GPHN: variants seen among roughly 807,000 people sequenced by gnomAD.
The protein encoded by GPHN is gephyrin.
A neutral mutation model predicts 95.5 loss-of-function variants in GPHN; 17 were observed. The observed-to-expected ratio is 0.18, with a 90% confidence interval of 0.12 to 0.27. GPHN has a LOEUF of 0.27. GPHN is among the 10% of genes least tolerant of loss of function. The pLI is 1.00. For missense variants in GPHN, 660 were observed against 978.1 expected, an observed-to-expected ratio of 0.67 and a Z score of 4.34; for synonymous variants, 320 against 322.5, an observed-to-expected ratio of 0.99 and a Z score of 0.08.
chr14:67,729,444 GCTGTTCA>G, the GPHN span: 2 of 1,514,300 alleles, frequency 1.3e-6, no homozygotes, highest in Non-Finnish European at 1.8e-6. Context: ...GACTCGCTGG[GCTGTTCA>G]TCCTGAGAAG....
intron 4 of GPHN, among the ~76,000 whole-genome samples, chr14:66,868,354 T>G (rs77037144): frequency 6.6e-6 from 1 of 152,166 alleles, no homozygotes; most frequent in Non-Finnish European, 1.5e-5. Flanking sequence ...TCACTATGCA[T>G]GTAAAGTATT....
At chr14:67,089,844 T>C (rs1267199170) in intron 12 of GPHN, among the ~76,000 whole-genome samples, 2 of 152,156 alleles carry the variant, frequency 1.3e-5, no homozygotes, top group Non-Finnish European at 2.9e-5. Flanking sequence ...TAAATAGCAT[T>C]TTTCTGCCTA....
intron 1 of GPHN, among the ~76,000 whole-genome samples, chr14:66,556,232 C>A (rs932909222): frequency 6.6e-6 from 1 of 152,020 alleles, no homozygotes; most frequent in Non-Finnish European, 1.5e-5. Context: ...GAATATTATT[C>A]AACTAGATTG....
the GPHN span, among the ~76,000 whole-genome samples, chr14:67,245,857 T>C: frequency 6.7e-6 from 1 of 149,626 alleles, no homozygotes; most frequent in Non-Finnish European, 1.5e-5. Flanking sequence ...CAGAGAGATT[T>C]TTCTCCAATT....
the GPHN span, among the ~76,000 whole-genome samples, chr14:67,560,720 C>T: frequency 7.0e-6 from 1 of 143,712 alleles, no homozygotes; most frequent in Non-Finnish European, 1.5e-5. Flanking sequence ...AAAGGATGAA[C>T]ATATATCTTT....
the GPHN span, among the ~76,000 whole-genome samples, chr14:67,544,369 G>A: frequency 6.6e-6 from 1 of 152,102 alleles, no homozygotes; most frequent in African/African-American, 2.4e-5. Flanking sequence ...TGGGGAGCCT[G>A]GTAGGGACAG....
rs755908672 is a variant in GPHN, at chr14:67,110,271, C to A, written c.1413+12C>A. 40 of 1,612,984 alleles carry A rather than the reference C, an allele frequency of 2.5e-5. No homozygotes were observed. Among genetic ancestry groups the A allele is most frequent in the Non-Finnish European group, 3.1e-5 (36 of 1,179,150 alleles). On this transcript the variant is annotated intron_variant, in intron 14 of 22. Transcript: ENST00000478722. ...GGGAATCAGATGATGTACGTCATCA[C>A]CAAGTCTTACTGTGCTGTTGTTCCT...
intron 1 of GPHN, among the ~76,000 whole-genome samples, chr14:66,625,658 G>C (rs2063499943): frequency 6.6e-6 from 1 of 152,052 alleles, no homozygotes; most frequent in Admixed American, 6.5e-5. Context: ...ATAATACCCT[G>C]TTCTTATGTC....
chr14:67,168,864 T>G (rs1382922421), intron 20 of GPHN, 69 bp from the exon 21 acceptor site: 2 of 995,600 alleles, frequency 2.0e-6, no homozygotes, highest in African/African-American at 3.2e-5. Context: ...CCCAAAGATA[T>G]AGACAGACAT....
At chr14:66,630,380 G>GA in intron 1 of GPHN, among the ~76,000 whole-genome samples, 1 of 152,240 alleles carries the variant, frequency 6.6e-6, no homozygotes, top group Admixed American at 6.5e-5. Flanking sequence ...ATTTAAAATA[G>GA]AAAAACAGGG....
the GPHN span, chr14:67,374,421 C>T: frequency 4.1e-6 from 5 of 1,224,506 alleles, no homozygotes; most frequent in Non-Finnish European, 5.8e-6. Flanking sequence ...TACAATAGTA[C>T]AGTGGCATCT....
chr14:67,101,940 C>T lies in GPHN; in HGVS notation c.1293+1029C>T, dbSNP rs529324452. Reference sequence around the variant, plus strand: ...AGGCTGGAGTGCAGTGGCGCGATCTCGGCTCACTGCAAGCTCCGCCTCCCG... The same window carrying T: ...AGGCTGGAGTGCAGTGGCGCGATCTTGGCTCACTGCAAGCTCCGCCTCCCG... On this transcript the variant is annotated intron_variant, in intron 13 of 22. Transcript: ENST00000478722. 4.6e-5 allele frequency among the ~76,000 whole-genome samples: 7 copies of T among 152,010 alleles called. No individual in the cohort carries two copies. The South Asian group carries it at 1.5e-3, about 32-fold the overall frequency.
At chr14:66,983,935 T>G (rs1385988091) in intron 9 of GPHN, among the ~76,000 whole-genome samples, 1 of 152,200 alleles carries the variant, frequency 6.6e-6, no homozygotes, top group Non-Finnish European at 1.5e-5. Flanking sequence ...GAATGCTACT[T>G]TAAACTAGAA....
At chr14:66,660,298 C>T (rs1316512080) in intron 1 of GPHN, among the ~76,000 whole-genome samples, 2 of 152,170 alleles carry the variant, frequency 1.3e-5, no homozygotes, top group Admixed American at 6.5e-5. Context: ...TACATATAGA[C>T]TCACATTAGA....
At chr14:67,455,073 C>T in the GPHN span, among the ~76,000 whole-genome samples, 335 of 152,302 alleles carry the variant, frequency 2.2e-3, 3 homozygotes, top group African/African-American at 8.0e-3. Flanking sequence ...AGGTCTTGAA[C>T]TCCTGACCTC....
At chr14:67,690,980 G>C in the GPHN span, 1 of 639,734 alleles carries the variant, frequency 1.6e-6, no homozygotes, top group Non-Finnish European at 2.8e-6. Flanking sequence ...GCAGCCCTCA[G>C]GTATTCCTCA....
chr14:66,527,045 G>A (rs1220160619), intron 1 of GPHN, among the ~76,000 whole-genome samples: 1 of 152,176 alleles, frequency 6.6e-6, no homozygotes, highest in Non-Finnish European at 1.5e-5. Context: ...GTTCCAAAAG[G>A]AATGGTACCA....
chr14:67,060,202 TA>T (rs144651116), intron 11 of GPHN, among the ~76,000 whole-genome samples: 1,917 of 135,948 alleles, frequency 0.014, 12 homozygotes, highest in Non-Finnish European at 0.02. Context: ...CATTCTAATT[TA>T]AAAAAAAAAA....
intron 2 of GPHN, among the ~76,000 whole-genome samples, chr14:66,725,172 A>C (rs1032699026): frequency 2.0e-5 from 3 of 152,194 alleles, no homozygotes; most frequent in Non-Finnish European, 2.9e-5. Flanking sequence ...AGCCCTCATC[A>C]AAACCTGGCC....
Sources: allele counts gnomAD v4.1 joint callset (sites outside exome capture counted in the v4.1 genomes callset), GRCh38; gene constraint gnomAD v4.1.1; transcripts MANE v1.5; gene names NCBI Gene and HGNC (gene_info 2026-07-23, HGNC 2026-07-21).